The following MTOR variants were observed in gnomAD, a reference collection of about 807,000 sequenced individuals.
MTOR encodes mechanistic target of rapamycin kinase.
A neutral mutation model predicts 319.8 loss-of-function variants in MTOR; 70 were observed. That is an observed-to-expected ratio of 0.22 (90% CI 0.18 to 0.27). MTOR has a LOEUF of 0.27. Ranked by LOEUF, MTOR falls within the 10% of genes least tolerant of loss-of-function variation. The pLI, the probability that MTOR is intolerant of heterozygous loss-of-function variation, is 1.00. For synonymous variants in MTOR, 1,183 were observed against 1,211.4 expected, an observed-to-expected ratio of 0.98 and a Z score of 0.49; for missense variants, 1,890 against 3,274.4, an observed-to-expected ratio of 0.58 and a Z score of 10.32.
intron 20 of MTOR, among the ~76,000 whole-genome samples, chr1:11,213,878 A>C (rs888898597): frequency 5.3e-5 from 8 of 152,270 alleles, no homozygotes; most frequent in Non-Finnish European, 8.8e-5. Flanking sequence ...ACCTGGCTCT[A>C]GCCTCACTTC....
chr1:11,146,633 A>C, intron 32 of MTOR, 43 bp downstream of exon 32: 1 of 1,517,600 alleles, frequency 6.6e-7, no homozygotes, highest in Non-Finnish European at 9.2e-7. Context: ...AAGCACTACA[A>C]TCTTTTCCTC....
At chr1:11,139,210 CTG>C (rs1643571163) in intron 36 of MTOR, 92 bp downstream of exon 36, 1 of 1,490,788 alleles carries the variant, frequency 6.7e-7, no homozygotes, top group East Asian at 2.3e-5. Flanking sequence ...GGTTTAAACA[CTG>C]TTTCTTTTCT....
At chr1:11,192,865 C>T (rs533571812) in intron 28 of MTOR, among the ~76,000 whole-genome samples, 2 of 152,122 alleles carry the variant, frequency 1.3e-5, no homozygotes, top group South Asian at 4.2e-4. Flanking sequence ...CTGTTTGGCC[C>T]CTTCAAATCA....
At chr1:11,234,068 C>T in intron 14 of MTOR, 75 bp downstream of exon 14, 1 of 1,606,862 alleles carries the variant, frequency 6.2e-7, no homozygotes, top group South Asian at 1.1e-5. Flanking sequence ...CTAGTGAACA[C>T]TGAAACACTC....
At chr1:11,181,579 T>C (rs1395848026) in intron 28 of MTOR, among the ~76,000 whole-genome samples, 2 of 152,218 alleles carry the variant, frequency 1.3e-5, no homozygotes, top group South Asian at 4.1e-4. Context: ...ACAAAGGATC[T>C]CAACTCTCCC....
At chr1:11,123,785 T>C (rs1238886143) in intron 47 of MTOR, among the ~76,000 whole-genome samples, 1 of 151,500 alleles carries the variant, frequency 6.6e-6, no homozygotes, top group Non-Finnish European at 1.5e-5. Flanking sequence ...TTTTTTTCCT[T>C]ACTTTAGTTA....
At chr1:11,185,503 G>A (rs902618408) in intron 28 of MTOR, among the ~76,000 whole-genome samples, 1 of 152,132 alleles carries the variant, frequency 6.6e-6, no homozygotes, top group Non-Finnish European at 1.5e-5. Flanking sequence ...CTACTCGGGA[G>A]GCTGAGGTGG....
intron 28 of MTOR, among the ~76,000 whole-genome samples, chr1:11,168,735 G>A (rs1180011688): frequency 1.3e-5 from 2 of 152,340 alleles, no homozygotes; most frequent in African/African-American, 4.8e-5. Context: ...CAGTGCCACT[G>A]GGAGGCCTGG....
chr1:11,220,630 G>A (rs1646631662), intron 19 of MTOR, among the ~76,000 whole-genome samples: 1 of 152,138 alleles, frequency 6.6e-6, no homozygotes, highest in African/African-American at 2.4e-5. Context: ...GGAGGAAGGG[G>A]GCCTAGGAAC....
intron 49 of MTOR, among the ~76,000 whole-genome samples, chr1:11,119,495 C>T (rs1198334630): frequency 3.6e-5 from 5 of 140,494 alleles, no homozygotes; most frequent in South Asian, 2.4e-4. Context: ...GGTGTGAACC[C>T]GGGAGGCGGA....
At chr1:11,258,904 G>C (rs1304523716) in intron 2 of MTOR, among the ~76,000 whole-genome samples, 1 of 152,172 alleles carries the variant, frequency 6.6e-6, no homozygotes. Flanking sequence ...TCTCTATTTA[G>C]AAAGCCCCTA....
chr1:11,211,280 G>A (rs1270693639), intron 23 of MTOR, among the ~76,000 whole-genome samples: 2 of 152,212 alleles, frequency 1.3e-5, no homozygotes, highest in African/African-American at 4.8e-5. Flanking sequence ...GCCCACAATA[G>A]TGATTTGCAT....
At chr1:11,130,803 G>A (rs1223198206) in intron 38 of MTOR, 26 bp from the exon 39 acceptor site, 20 of 1,550,570 alleles carry the variant, frequency 1.3e-5, no homozygotes, top group Non-Finnish European at 1.7e-5. Context: ...GGCAAGGACA[G>A]ACACTGGAGC....
chr1:11,186,342 C>T (rs1645323486), intron 28 of MTOR, among the ~76,000 whole-genome samples: 1 of 152,132 alleles, frequency 6.6e-6, no homozygotes, highest in South Asian at 2.1e-4. Context: ...CCTAGGTGCT[C>T]CCCTGCCCTG....
In MTOR at chr1:11,139,558, C is replaced by T; in HGVS notation, c.4973G>A (p.Ser1658Asn). The change falls in exon 35 of 58, where the codon AGC (serine) becomes AAC (asparagine). Residue 1658 changes from serine to asparagine, a missense_variant. Coordinates refer to ENST00000361445, the MANE Select transcript of MTOR (RefSeq NM_004958.4). ...EDMRTWLKYA[S>N]LCGKSGRLAL... ...CAGCCTGCCACTCTTGCCGCACAGG[C>T]TTGCATACTTGAGCCAGGTTCTCAT... The T allele has an allele frequency of 6.2e-7, 1 of 1,614,196 alleles. No individual in the cohort carries two copies. The highest frequency in any genetic ancestry group is 8.5e-7 in the Non-Finnish European group (1 of 1,180,036).
At chr1:11,218,970 G>A (rs892882250) in intron 19 of MTOR, among the ~76,000 whole-genome samples, 4 of 152,004 alleles carry the variant, frequency 2.6e-5, no homozygotes, top group Admixed American at 6.6e-5. Flanking sequence ...CACTTTGGGA[G>A]GCCAAGGTAG....
chr1:11,121,153 G>C lies in MTOR; in HGVS notation c.6933+93C>G. 6.5e-7 allele frequency: 1 copy of C among 1,527,134 alleles called. No individual in the cohort carries two copies. The highest frequency in any genetic ancestry group is 8.8e-7 in the Non-Finnish European group (1 of 1,134,698). The allele number at this position is 1,527,134 out of a possible 1,614,324, so 94.6% of individuals were successfully genotyped here. On this transcript the variant is annotated intron_variant, in intron 49 of 57. Transcript: ENST00000361445. This position sits in a 1 kb window ranked among gnomAD's most constrained non-coding sequence, Gnocchi z 4.9. ...CTCTACAGCCAATCACAGCAAAGAAGAGCCGCTGTGTGCACATGAACAGAT... is the reference window on the plus strand; with the variant it reads ...CTCTACAGCCAATCACAGCAAAGAACAGCCGCTGTGTGCACATGAACAGAT...
chr1:11,144,602 A>AG (rs1253074218), intron 34 of MTOR, 46 bp downstream of exon 34: 6 of 1,562,142 alleles, frequency 3.8e-6, no homozygotes, highest in Non-Finnish European at 5.3e-6. Flanking sequence ...AGGTCCTGGA[A>AG]GGGGTAGGGG....
At chr1:11,122,202 CTG>C in intron 47 of MTOR, 76 bp from the exon 48 acceptor site, 2 of 1,521,854 alleles carry the variant, frequency 1.3e-6, no homozygotes, top group East Asian at 2.3e-5. Context: ...CACAGGCAGA[CTG>C]TTTTTTTTTT....
Sources: allele counts gnomAD v4.1 joint callset (sites outside exome capture counted in the v4.1 genomes callset), GRCh38; gene constraint gnomAD v4.1.1; non-coding constraint Gnocchi (gnomAD v3.1); transcripts MANE v1.5; gene names NCBI Gene and HGNC (gene_info 2026-07-23, HGNC 2026-07-21).